The following COL19A1 variants were observed in gnomAD, a reference collection of about 807,000 sequenced individuals.
The protein encoded by COL19A1 is collagen type XIX alpha 1 chain.
A neutral mutation model predicts 190.2 loss-of-function variants in COL19A1; 159 were observed. The ratio of observed to expected loss-of-function variants is 0.84; its 90% CI spans 0.73 to 0.95. The LOEUF (loss-of-function observed/expected upper bound fraction) is 0.95, where lower values mean the gene tolerates loss of function less well. COL19A1 is among the 40% of genes least tolerant of loss of function. COL19A1 has a pLI of 0.00. For missense variants in COL19A1, 1,418 were observed against 1,431.9 expected (o/e 0.99, Z 0.16); for synonymous variants, 509 against 458.9 (o/e 1.11, Z -1.39).
At chr6:69,927,190 A>G (rs1183744710) in intron 4 of COL19A1, among the ~76,000 whole-genome samples, 1 of 152,168 alleles carries the variant, frequency 6.6e-6, no homozygotes, top group African/African-American at 2.4e-5. Context: ...GGAATAGTTA[A>G]TTACATAGAT....
chr6:70,185,100 T>C (rs537717490), intron 46 of COL19A1, among the ~76,000 whole-genome samples, 185 bp downstream of exon 46: 2 of 152,346 alleles, frequency 1.3e-5, no homozygotes, highest in East Asian at 3.9e-4. Flanking sequence ...AGTTATATGG[T>C]ACATCTATGT....
intron 41 of COL19A1, among the ~76,000 whole-genome samples, chr6:70,175,000 A>G (rs1384393361): frequency 6.6e-6 from 1 of 152,258 alleles, no homozygotes; most frequent in Admixed American, 6.5e-5. Flanking sequence ...ATTCGAGAAT[A>G]GTGGTTAAGG....
chr6:69,885,016 C>T (rs781246894), intron 2 of COL19A1, among the ~76,000 whole-genome samples: 4 of 152,172 alleles, frequency 2.6e-5, no homozygotes, highest in Non-Finnish European at 5.9e-5. Context: ...GCATGTGCCA[C>T]CACACCTGGC....
intron 17 of COL19A1, among the ~76,000 whole-genome samples, chr6:70,123,439 C>T (rs1447229012): frequency 6.6e-6 from 1 of 151,510 alleles, no homozygotes; most frequent in Non-Finnish European, 1.5e-5. Context: ...ACCATTTGAT[C>T]CAGCCATCCC....
intron 16 of COL19A1, among the ~76,000 whole-genome samples, chr6:70,107,012 G>A (rs59273449): frequency 0.065 from 9,921 of 152,220 alleles, 1,055 homozygotes; most frequent in African/African-American, 0.23. Flanking sequence ...TGTATTTCCA[G>A]TGTCTTAGGG....
Position 70,149,854 on chromosome 6 carries a change from C to T in COL19A1, c.1933C>T (p.Pro645Ser). 1 of 1,613,624 alleles carries T rather than the reference C, an allele frequency of 6.2e-7. No homozygotes were observed. Among genetic ancestry groups the T allele is most frequent in the African/African-American group, 1.3e-5 (1 of 74,956 alleles). Residue 645 changes from proline to serine, a missense_variant, in exon 29 of 51, where the codon CCT becomes TCT. By Grantham distance (74) the Pro-to-Ser change is moderately conservative. Transcript: ENST00000620364. Reference sequence around the variant, plus strand: ...TTTTATTTCCCTCCTTTTCCAGGGTCCTCGAGGTCTCCCTGGGTTGCCAGG... The same window carrying T: ...TTTTATTTCCCTCCTTTTCCAGGGTTCTCGAGGTCTCCCTGGGTTGCCAGG... ...GPAGEPGIQGPRGLPGLPGTP... is the reference protein window; with the variant it reads ...GPAGEPGIQGSRGLPGLPGTP...
intron 14 of COL19A1, 31 bp from the exon 15 acceptor site, chr6:70,068,392 T>C (rs775408057): frequency 1.5e-6 from 2 of 1,350,688 alleles, no homozygotes; most frequent in East Asian, 2.3e-5. Flanking sequence ...CTTGAAACAG[T>C]GTATTAACAT....
At chr6:70,132,942 A>G (rs953171486) in intron 18 of COL19A1, among the ~76,000 whole-genome samples, 1 of 152,218 alleles carries the variant, frequency 6.6e-6, no homozygotes. Flanking sequence ...AAAATTAAAT[A>G]AGAGGAAGTT....
intron 14 of COL19A1, among the ~76,000 whole-genome samples, chr6:70,066,279 A>T (rs954013341): frequency 6.6e-6 from 1 of 152,186 alleles, no homozygotes; most frequent in Non-Finnish European, 1.5e-5. Context: ...ATAAAAAAGG[A>T]TGAGTTCATG....
intron 15 of COL19A1, among the ~76,000 whole-genome samples, chr6:70,087,542 C>T (rs777691813): frequency 1.3e-5 from 2 of 152,094 alleles, no homozygotes; most frequent in African/African-American, 2.4e-5. Context: ...CAGAGCACAG[C>T]CTTGCAGGTC....
At chr6:69,873,562 A>G (rs1406990398) in intron 1 of COL19A1, among the ~76,000 whole-genome samples, 1 of 152,252 alleles carries the variant, frequency 6.6e-6, no homozygotes, top group East Asian at 1.9e-4. Flanking sequence ...TGGACTTTCA[A>G]GACTTTATGA....
At chr6:69,937,383 A>G (rs928390971) in intron 8 of COL19A1, among the ~76,000 whole-genome samples, 12 of 152,168 alleles carry the variant, frequency 7.9e-5, no homozygotes, top group African/African-American at 2.9e-4. Context: ...AGGGGAATAT[A>G]CAGAGGGGCT....
intron 16 of COL19A1, among the ~76,000 whole-genome samples, chr6:70,117,731 A>G (rs561758213): frequency 4.4e-4 from 67 of 152,320 alleles, no homozygotes; most frequent in Middle Eastern, 3.4e-3. Context: ...TATACTCACC[A>G]CATTAATCCA....
At chr6:70,198,110 A>G (rs954475680) in intron 48 of COL19A1, among the ~76,000 whole-genome samples, 9 of 152,200 alleles carry the variant, frequency 5.9e-5, no homozygotes, top group African/African-American at 2.2e-4. Flanking sequence ...AATTCAACTA[A>G]ATCAACTAAA....
At chr6:70,040,126 A>G (rs1201458945) in intron 14 of COL19A1, among the ~76,000 whole-genome samples, 1 of 152,000 alleles carries the variant, frequency 6.6e-6, no homozygotes, top group Non-Finnish European at 1.5e-5. Context: ...TTTGGTACTT[A>G]AATTTTTTTT....
rs1037920221 is a variant in COL19A1, at chr6:70,127,161, G to A, written c.1342-3021G>A. ...TGGAGGCTGAGATGGGAATGACCTT[G>A]GTCAGTTTAGGGAGCTGAAAAAAGA... On this transcript the variant is annotated intron_variant, in intron 17 of 50. Coordinates refer to ENST00000620364, the MANE Select transcript of COL19A1 (RefSeq NM_001858.6). 5.9e-5 allele frequency among the ~76,000 whole-genome samples: 9 copies of A among 152,252 alleles called. No individual in the cohort carries two copies. The East Asian group carries it at 1.4e-3, about 23-fold the overall frequency.
At chr6:69,903,161 G>A (rs1770299939) in intron 4 of COL19A1, among the ~76,000 whole-genome samples, 2 of 152,196 alleles carry the variant, frequency 1.3e-5, no homozygotes, top group South Asian at 4.1e-4. Context: ...ACTGCCTTGA[G>A]TTCAACTTAT....
intron 4 of COL19A1, among the ~76,000 whole-genome samples, chr6:69,927,141 G>A (rs1772451098): frequency 6.6e-6 from 1 of 152,044 alleles, no homozygotes; most frequent in Non-Finnish European, 1.5e-5. Context: ...AAGGAAACTA[G>A]ACAGTAACTC....
At chr6:70,020,379 A>G (rs1582698094) in intron 11 of COL19A1, among the ~76,000 whole-genome samples, 1 of 151,818 alleles carries the variant, frequency 6.6e-6, no homozygotes, top group Non-Finnish European at 1.5e-5. Context: ...TTTTGGTTTC[A>G]TGCTTAGAGA....
Sources: allele counts gnomAD v4.1 joint callset (sites outside exome capture counted in the v4.1 genomes callset), GRCh38; gene constraint gnomAD v4.1.1; transcripts MANE v1.5; gene names NCBI Gene and HGNC (gene_info 2026-07-23, HGNC 2026-07-21).